ARID2: variants seen among roughly 807,000 people sequenced by gnomAD.
The protein encoded by ARID2 is AT-rich interactive domain-containing protein 2.
In ARID2, 32 loss-of-function variants were observed where a neutral mutation model predicts 184.6. That is an observed-to-expected ratio of 0.17 (90% confidence interval 0.13 to 0.23). ARID2 has a LOEUF of 0.23. Ranked by LOEUF, ARID2 falls within the 10% of genes least tolerant of loss-of-function variation. The pLI is 1.00. For missense variants in ARID2, 1,696 were observed against 2,197.6 expected (o/e 0.77, Z 4.56); for synonymous variants, 836 against 772.6 (o/e 1.08, Z -1.36).
Position 45,859,928 on chromosome 12 carries a change from C to T in ARID2, c.4774-873C>T, listed in dbSNP as rs372258545. On this transcript the variant is annotated intron_variant, in intron 15 of 20. Coordinates refer to ENST00000334344, the MANE Select transcript of ARID2 (RefSeq NM_152641.4). Reference sequence around the variant, plus strand: ...TTTGTTTTTAGCAGAGATGGGGTTTCGCCATGTTGGCCAGGTTGGTCTCGA... The same window carrying T: ...TTTGTTTTTAGCAGAGATGGGGTTTTGCCATGTTGGCCAGGTTGGTCTCGA... Among the ~76,000 whole-genome samples, 127 of 152,258 alleles carry T rather than the reference C, an allele frequency of 8.3e-4. 1 individual carries two copies. Among genetic ancestry groups the T allele is most frequent in the African/African-American group, 2.4e-3 (101 of 41,550 alleles).
intron 16 of ARID2, among the ~76,000 whole-genome samples, chr12:45,872,014 A>AG (rs2138205849): frequency 6.6e-6 from 1 of 151,936 alleles, no homozygotes; most frequent in African/African-American, 2.4e-5. Context: ...TTTCTTGGTT[A>AG]GGTTAGCTAC....
intron 3 of ARID2, among the ~76,000 whole-genome samples, chr12:45,780,000 A>G (rs1221752081): frequency 6.6e-6 from 1 of 152,204 alleles, no homozygotes; most frequent in Non-Finnish European, 1.5e-5. Flanking sequence ...TATCTATTAA[A>G]TAAGATTAAA....
intron 3 of ARID2, among the ~76,000 whole-genome samples, chr12:45,788,641 A>C (rs1942238733): frequency 6.6e-6 from 1 of 152,160 alleles, no homozygotes; most frequent in African/African-American, 2.4e-5. Context: ...CTATAGTGAA[A>C]AATTTCAAGG....
chr12:45,837,634 C>G lies in ARID2; in HGVS notation c.1257C>G (p.Leu419=), dbSNP rs1235352086. 1.2e-6 allele frequency: 2 copies of G among 1,614,024 alleles called. No homozygotes were observed. The highest frequency in any genetic ancestry group is 1.7e-6 in the Non-Finnish European group (2 of 1,179,982). Residue 419 remains leucine (L), a synonymous_variant, in exon 10 of 21, where the codon CTC becomes CTG. Coordinates refer to ENST00000334344, the MANE Select transcript of ARID2 (RefSeq NM_152641.4). ...LPDVLLVIST[L]EVLYMLTEMG... is the part of the protein sequence containing the mutation. Reference sequence around the variant, plus strand: ...ATGTGCTGCTTGTAATCTCAACACTCGAGGTGCTATACATGCTCACGGAAA... The same window carrying G: ...ATGTGCTGCTTGTAATCTCAACACTGGAGGTGCTATACATGCTCACGGAAA...
intron 16 of ARID2, among the ~76,000 whole-genome samples, chr12:45,884,960 T>A (rs1774824169): frequency 6.6e-6 from 1 of 152,206 alleles, no homozygotes; most frequent in Non-Finnish European, 1.5e-5. Context: ...ACAGCAATAT[T>A]TTGTTTCCAA....
At chr12:45,843,664 G>T (rs767823041) in intron 11 of ARID2, among the ~76,000 whole-genome samples, 1 of 152,112 alleles carries the variant, frequency 6.6e-6, no homozygotes, top group Non-Finnish European at 1.5e-5. Flanking sequence ...GGATTACTGG[G>T]TTGGGAAAAT....
intron 3 of ARID2, among the ~76,000 whole-genome samples, chr12:45,795,370 T>C (rs545434598): frequency 6.6e-5 from 10 of 152,280 alleles, no homozygotes; most frequent in Middle Eastern, 3.4e-3. Context: ...AACTCTCTTA[T>C]AGTATCAGTT....
chr12:45,902,634 C>T (rs1437449734), intron 20 of ARID2, among the ~76,000 whole-genome samples: 2 of 151,208 alleles, frequency 1.3e-5, no homozygotes, highest in Admixed American at 6.6e-5. Context: ...TGGGTTCAAG[C>T]GATTCTCCTG....
At chr12:45,750,359 A>T (rs368964631) in intron 3 of ARID2, among the ~76,000 whole-genome samples, 1 of 152,342 alleles carries the variant, frequency 6.6e-6, no homozygotes, top group African/African-American at 2.4e-5. Context: ...AGCATCAAAG[A>T]TTACTGATCA....
At chr12:45,751,779 G>A (rs1027945452) in intron 3 of ARID2, among the ~76,000 whole-genome samples, 2 of 152,158 alleles carry the variant, frequency 1.3e-5, no homozygotes, top group African/African-American at 2.4e-5. Flanking sequence ...TAACCCCATG[G>A]TAAGTATTTG....
intron 15 of ARID2, among the ~76,000 whole-genome samples, chr12:45,858,510 CT>C (rs1943690829): frequency 6.6e-6 from 1 of 152,174 alleles, no homozygotes; most frequent in Non-Finnish European, 1.5e-5. Flanking sequence ...ACATTAACTT[CT>C]ATTGATAGAC....
intron 6 of ARID2, among the ~76,000 whole-genome samples, chr12:45,833,418 A>G (rs1309820111): frequency 6.6e-6 from 1 of 151,774 alleles, no homozygotes; most frequent in African/African-American, 2.4e-5. Flanking sequence ...GTCATTGTTA[A>G]TTTTCTTGTT....
chr12:45,763,483 G>A (rs1440665924), intron 3 of ARID2, among the ~76,000 whole-genome samples: 1 of 151,690 alleles, frequency 6.6e-6, no homozygotes, highest in African/African-American at 2.4e-5. Context: ...AAAAAAAAAG[G>A]TCATAAAATG....
In ARID2 at chr12:45,851,399, T is replaced by C. The variant is rs769782781; in HGVS notation, c.3276T>C (p.Ala1092=). Residue 1092 remains alanine (A), a synonymous_variant, in exon 15 of 21, where the codon GCT becomes GCC. Transcript: ENST00000334344. ...TTCCTCCCCCTAATAATGCAAGAGC[T>C]CCTAGCCCTCAGGTGGTCTATCAGG... ...PQIPPPNNAR[A]PSPQVVYQVA... 1.7e-5 allele frequency: 28 copies of C among 1,613,966 alleles called. No individual in the cohort carries two copies. Among genetic ancestry groups the C allele is most frequent in the South Asian group, 4.4e-5 (4 of 91,084 alleles).
intron 3 of ARID2, among the ~76,000 whole-genome samples, chr12:45,753,155 C>G (rs1246351735): frequency 1.3e-5 from 2 of 151,878 alleles, no homozygotes; most frequent in Admixed American, 1.3e-4. Flanking sequence ...CCCAGCTACT[C>G]GGGAGGCTGA....
chr12:45,821,301 T>G (rs1428720397), intron 5 of ARID2, 119 bp from the exon 6 acceptor site: 4 of 500,896 alleles, frequency 8.0e-6, no homozygotes, highest in Non-Finnish European at 1.0e-5. Flanking sequence ...AAATAATTTT[T>G]AGTACACAAG....
intron 3 of ARID2, among the ~76,000 whole-genome samples, chr12:45,738,196 G>A (rs748170797): frequency 5.3e-5 from 8 of 152,014 alleles, no homozygotes; most frequent in Non-Finnish European, 8.8e-5. Flanking sequence ...CTGGTATTTC[G>A]TAGTAGAGTT....
At chr12:45,777,572 TGTAA>T (rs1942008900) in intron 3 of ARID2, among the ~76,000 whole-genome samples, 1 of 151,980 alleles carries the variant, frequency 6.6e-6, no homozygotes, top group African/African-American at 2.4e-5. Context: ...TTTTTCTCCG[TGTAA>T]GTCAAATTTT....
chr12:45,748,105 G>A (rs1941393253), intron 3 of ARID2, among the ~76,000 whole-genome samples: 1 of 152,194 alleles, frequency 6.6e-6, no homozygotes, highest in African/African-American at 2.4e-5. Context: ...CTCAACGCCT[G>A]TAGGCCCAGC....
Sources: gnomAD v4.1 joint callset for allele counts (sites outside exome capture counted in the v4.1 genomes callset) on GRCh38, gnomAD v4.1.1 for gene constraint, MANE v1.5 for transcripts, NCBI Gene and HGNC (gene_info 2026-07-23, HGNC 2026-07-21) for gene names.